The following CNTNAP2 variants were observed in gnomAD, a reference collection of about 807,000 sequenced individuals.
CNTNAP2 encodes contactin-associated protein-like 2.
A neutral mutation model predicts 155.2 loss-of-function variants in CNTNAP2; 98 were observed. That is an observed-to-expected ratio of 0.63 (90% CI 0.54 to 0.75). The LOEUF is 0.75. CNTNAP2 is among the 30% of genes least tolerant of loss of function. The pLI, the probability that CNTNAP2 is intolerant of heterozygous loss-of-function variation, is 0.00. For missense variants in CNTNAP2, 1,727 were observed against 1,688.1 expected (o/e 1.02, Z -0.40); for synonymous variants, 651 against 631.2 (o/e 1.03, Z -0.47).
rs1437335736 is a variant in CNTNAP2 at position 146,505,580 on chromosome 7, A to G, written c.98-268691A>G. 2.6e-5 allele frequency among the ~76,000 whole-genome samples: 4 copies of G among 152,212 alleles called. No homozygotes were observed. In the East Asian group the frequency reaches 5.8e-4, roughly 22 times the overall value. ...CTGGCCATTCCCCTATGAATGGTCA[A>G]TCATAGAGGCCATATATTAAGTACC... is the stretch of plus-strand genomic sequence containing the variant. On this transcript the variant is annotated intron_variant, in intron 1 of 23. Transcript: ENST00000361727.
Position 148,043,121 on chromosome 7 carries a change from T to C in CNTNAP2, c.2383+65132T>C, listed in dbSNP as rs1188288920. Among the ~76,000 whole-genome samples the C allele has an allele frequency of 3.3e-5, 5 of 152,218 alleles. No homozygotes were observed. In the East Asian group the frequency reaches 9.6e-4, roughly 29 times the overall value. On this transcript the variant is annotated intron_variant, in intron 15 of 23. Coordinates refer to ENST00000361727, the MANE Select transcript of CNTNAP2 (RefSeq NM_014141.6). Reference sequence around the variant, plus strand: ...ACATTTTGACGTGATACATATTCCATCAGCCTGATACATTGCCACCTCCCA... The same window carrying C: ...ACATTTTGACGTGATACATATTCCACCAGCCTGATACATTGCCACCTCCCA...
chr7:146,533,841 C>T (rs559775372), intron 1 of CNTNAP2, among the ~76,000 whole-genome samples: 1 of 152,148 alleles, frequency 6.6e-6, no homozygotes, highest in African/African-American at 2.4e-5. Flanking sequence ...TACTCTGTTT[C>T]AACCCAAGAT....
intron 13 of CNTNAP2, among the ~76,000 whole-genome samples, chr7:147,866,885 G>A (rs1799239673): frequency 1.3e-5 from 2 of 152,074 alleles, no homozygotes; most frequent in South Asian, 4.1e-4. Context: ...ACGCTGATAG[G>A]TCTTGACTCT....
At chr7:146,155,062 G>T (rs1798105015) in intron 1 of CNTNAP2, among the ~76,000 whole-genome samples, 1 of 152,120 alleles carries the variant, frequency 6.6e-6, no homozygotes, top group Admixed American at 6.6e-5. Flanking sequence ...GAGTTTTATG[G>T]TAAGAATTGT....
intron 15 of CNTNAP2, among the ~76,000 whole-genome samples, chr7:148,081,030 G>A (rs1053135840): frequency 6.6e-6 from 1 of 152,220 alleles, no homozygotes; most frequent in Non-Finnish European, 1.5e-5. Context: ...TATGTGTTGA[G>A]CATTTATATC....
intron 8 of CNTNAP2, among the ~76,000 whole-genome samples, chr7:147,246,374 T>A (rs977167213): frequency 6.6e-6 from 1 of 152,112 alleles, no homozygotes; most frequent in Non-Finnish European, 1.5e-5. Context: ...GATGTCTTAG[T>A]TTCTCCAGGC....
intron 8 of CNTNAP2, among the ~76,000 whole-genome samples, chr7:147,256,949 A>T (rs1804342914): frequency 6.6e-6 from 1 of 152,170 alleles, no homozygotes; most frequent in South Asian, 2.1e-4. Flanking sequence ...AGGGGGAAAA[A>T]GAGAAAAAAA....
At chr7:146,842,701 T>G (rs1460161044) in intron 3 of CNTNAP2, among the ~76,000 whole-genome samples, 2 of 152,086 alleles carry the variant, frequency 1.3e-5, no homozygotes, top group Non-Finnish European at 2.9e-5. Flanking sequence ...TTTTATTTTT[T>G]CTGAGACGGA....
At position 148,020,585 on chromosome 7, in the gene CNTNAP2, A is replaced by C. The variant is rs184977816; in HGVS notation, c.2383+42596A>C. 6.6e-5 allele frequency among the ~76,000 whole-genome samples: 10 copies of C among 152,240 alleles called. 1 individual carries two copies. The highest frequency in any genetic ancestry group is 2.4e-4 in the African/African-American group (10 of 41,552). On this transcript the variant is annotated intron_variant, in intron 15 of 23. Transcript: ENST00000361727. ...TTAAATCCATTTTATTCTTTTTTTT[A>C]ACATTGGGAGGACTAAGTGAATAAA...
chr7:148,372,729 A>G (rs1320540649), intron 21 of CNTNAP2, among the ~76,000 whole-genome samples: 3 of 152,158 alleles, frequency 2.0e-5, no homozygotes, highest in African/African-American at 7.2e-5. Flanking sequence ...ATAAATAAAT[A>G]AAATAAATTA....
At chr7:147,772,500 AAC>A (rs1406289838) in intron 13 of CNTNAP2, among the ~76,000 whole-genome samples, 8 of 141,522 alleles carry the variant, frequency 5.7e-5, no homozygotes, top group Admixed American at 2.8e-4. Flanking sequence ...ACAAAAAAAA[AAC>A]CACAAAAGAG....
intron 14 of CNTNAP2, among the ~76,000 whole-genome samples, chr7:147,953,393 C>G (rs1800968377): frequency 6.6e-6 from 1 of 152,114 alleles, no homozygotes; most frequent in South Asian, 2.1e-4. Context: ...CACAGATGCT[C>G]TTCTTTCCTT....
At chr7:146,932,136 A>G (rs1255876710) in intron 3 of CNTNAP2, among the ~76,000 whole-genome samples, 2 of 152,096 alleles carry the variant, frequency 1.3e-5, no homozygotes, top group African/African-American at 4.8e-5. Flanking sequence ...CACAACCAAA[A>G]AAGAGAATTT....
intron 15 of CNTNAP2, among the ~76,000 whole-genome samples, chr7:147,994,991 A>G (rs1801776548): frequency 6.6e-6 from 1 of 152,220 alleles, no homozygotes; most frequent in Non-Finnish European, 1.5e-5. Context: ...CGTGCATGAG[A>G]TGAAGTCCAG....
intron 13 of CNTNAP2, among the ~76,000 whole-genome samples, chr7:147,761,333 ATCACTTTCCTCTTTCCTGCTTTTCTCT>A (rs1179301309): frequency 1.3e-5 from 2 of 152,170 alleles, no homozygotes; most frequent in Non-Finnish European, 2.9e-5. Flanking sequence ...TTTAAGCCTA[ATCACTTTCCTCTTTCCTGCTTTTCTCT>A]TCCCAACTCC....
intron 1 of CNTNAP2, among the ~76,000 whole-genome samples, chr7:146,245,642 C>T (rs1799635244): frequency 6.6e-6 from 1 of 152,000 alleles, no homozygotes; most frequent in African/African-American, 2.4e-5. Context: ...TAATCGGATA[C>T]GATCAGCAAG....
At chr7:148,150,144 G>A (rs1317395791) in intron 17 of CNTNAP2, among the ~76,000 whole-genome samples, 1 of 149,976 alleles carries the variant, frequency 6.7e-6, no homozygotes, top group African/African-American at 2.5e-5. Context: ...CGGCCACGGT[G>A]GCTCACGCCT....
chr7:147,543,023 C>T (rs1451181605), intron 11 of CNTNAP2, among the ~76,000 whole-genome samples: 2 of 152,186 alleles, frequency 1.3e-5, no homozygotes, highest in Non-Finnish European at 2.9e-5. Context: ...GAATTAAAGA[C>T]ACACACACAG....
At chr7:146,867,825 T>C (rs537598731) in intron 3 of CNTNAP2, among the ~76,000 whole-genome samples, 1 of 152,070 alleles carries the variant, frequency 6.6e-6, no homozygotes, top group Non-Finnish European at 1.5e-5. Flanking sequence ...TGTCTTCATT[T>C]GAGGAGTGTC....
Sources: gnomAD v4.1 joint callset for allele counts (sites outside exome capture counted in the v4.1 genomes callset) on GRCh38, gnomAD v4.1.1 for gene constraint, MANE v1.5 for transcripts, NCBI Gene and HGNC (gene_info 2026-07-23, HGNC 2026-07-21) for gene names.